Variants in PEBP4 observed in about 807,000 individuals in gnomAD.
PEBP4 encodes phosphatidylethanolamine binding protein 4.
Under a neutral mutation model 23.9 loss-of-function variants are expected in PEBP4, and 22 were observed. The ratio of observed to expected loss-of-function variants is 0.92; its 90% CI spans 0.66 to 1.31. The LOEUF is 1.31. Among genes scored for constraint, PEBP4 ranks in the 40% most tolerant of loss-of-function variants. The pLI is 0.00. For missense variants in PEBP4, 324 were observed against 281.7 expected (o/e 1.15, Z -1.07); for synonymous variants, 112 against 99.3 (o/e 1.13, Z -0.76).
At chr8:22,802,683 A>G (rs910585011) in intron 4 of PEBP4, among the ~76,000 whole-genome samples, 2 of 152,218 alleles carry the variant, frequency 1.3e-5, no homozygotes, top group Non-Finnish European at 2.9e-5. Flanking sequence ...CGCCAATCTC[A>G]TCGGTGTTCC....
chr8:22,927,566 A>G lies in PEBP4; in HGVS notation c.131+18T>C. 6.2e-7 allele frequency: 1 copy of G among 1,602,822 alleles called. No individual in the cohort carries two copies. Among genetic ancestry groups the G allele is most frequent in the Non-Finnish European group, 8.5e-7 (1 of 1,173,784 alleles). On this transcript the variant is annotated intron_variant, in intron 2 of 6. Transcript: ENST00000256404. ...GGTAGCCTCTGTGCCTCCCGCCTCCAAGCCTGCCCTGACTTACTGGCAAAA... is the reference window on the plus strand; with the variant it reads ...GGTAGCCTCTGTGCCTCCCGCCTCCGAGCCTGCCCTGACTTACTGGCAAAA...
intron 3 of PEBP4, among the ~76,000 whole-genome samples, chr8:22,860,982 A>G (rs763190643): frequency 1.5e-4 from 23 of 152,256 alleles, no homozygotes; most frequent in Non-Finnish European, 2.2e-4. Flanking sequence ...CAGTATCCCC[A>G]GTGCCCAGCA....
chr8:22,863,776 C>A (rs941494049), intron 3 of PEBP4, among the ~76,000 whole-genome samples: 1 of 152,118 alleles, frequency 6.6e-6, no homozygotes, highest in Non-Finnish European at 1.5e-5. Context: ...TCCATCTGAG[C>A]GATGATACCT....
At chr8:22,784,636 C>T (rs1233233658) in intron 4 of PEBP4, among the ~76,000 whole-genome samples, 2 of 152,206 alleles carry the variant, frequency 1.3e-5, no homozygotes, top group East Asian at 3.9e-4. Flanking sequence ...AACAAACCTG[C>T]ATTTAAATAA....
rs201433464 is a variant in PEBP4 at position 22,724,915 on chromosome 8, G to A, written c.445C>T (p.Arg149Cys). The A allele has an allele frequency of 1.3e-5, 21 of 1,614,144 alleles. No individual in the cohort carries two copies. The highest frequency in any genetic ancestry group is 4.5e-5 in the East Asian group (2 of 44,884). The change falls in exon 6 of 7, where the codon CGC (arginine) becomes TGC (cysteine). Residue 149 changes from arginine to cysteine, a missense_variant. Transcript: ENST00000256404. ...TGAAGATAGACAAAGAACTGGTAGC[G>A]ATGGAAGCCACTGTGTGCCGGTGGG... The part of the protein sequence containing the change: ...PSPPAHSGFH[R>C]YQFFVYLQEG...
chr8:22,730,267 C>G (rs984272485), intron 4 of PEBP4, among the ~76,000 whole-genome samples: 1 of 152,206 alleles, frequency 6.6e-6, no homozygotes, highest in African/African-American at 2.4e-5. Flanking sequence ...CCAAGTGCAA[C>G]AGCTCACACC....
chr8:22,851,271 C>T (rs1468890196), intron 3 of PEBP4, among the ~76,000 whole-genome samples: 3 of 152,140 alleles, frequency 2.0e-5, no homozygotes, highest in Admixed American at 6.5e-5. Flanking sequence ...AGCCCAAAGC[C>T]GGAACATCTG....
intron 4 of PEBP4, among the ~76,000 whole-genome samples, chr8:22,802,039 C>T (rs1806393548): frequency 1.3e-5 from 2 of 152,146 alleles, no homozygotes; most frequent in Non-Finnish European, 2.9e-5. Flanking sequence ...GGCATCTGTC[C>T]TTCCACCCTG....
At chr8:22,748,988 A>G (rs888173500) in intron 4 of PEBP4, among the ~76,000 whole-genome samples, 1 of 151,874 alleles carries the variant, frequency 6.6e-6, no homozygotes, top group African/African-American at 2.4e-5. Context: ...GGGTCTGTGG[A>G]GAATTTGGGG....
chr8:22,774,922 C>A (rs527920633), intron 4 of PEBP4, among the ~76,000 whole-genome samples: 116 of 152,298 alleles, frequency 7.6e-4, no homozygotes, highest in Non-Finnish European at 1.4e-3. Context: ...TCCTCCCGTG[C>A]CCTCCAGTCT....
intron 4 of PEBP4, among the ~76,000 whole-genome samples, chr8:22,761,414 GAGAGAGCGAGA>G (rs1341210996): frequency 1.3e-5 from 2 of 152,182 alleles, no homozygotes; most frequent in Admixed American, 6.5e-5. Flanking sequence ...GGGGAAGGCG[GAGAGAGCGAGA>G]AGACCCCCCT....
intron 3 of PEBP4, chr8:22,886,633 C>G (rs891052632): frequency 3.3e-5 from 5 of 152,294 alleles, no homozygotes; most frequent in African/African-American, 1.2e-4. Context: ...ACTGTAGCCC[C>G]CAAACATCCT....
intron 4 of PEBP4, among the ~76,000 whole-genome samples, chr8:22,759,520 T>C (rs1190649264): frequency 6.6e-6 from 1 of 151,976 alleles, no homozygotes; most frequent in Non-Finnish European, 1.5e-5. Context: ...GGGGTAGAGG[T>C]GCCCGCTCCG....
intron 4 of PEBP4, among the ~76,000 whole-genome samples, chr8:22,736,051 T>G (rs1166567182): frequency 6.6e-6 from 1 of 152,210 alleles, no homozygotes; most frequent in Non-Finnish European, 1.5e-5. Context: ...GAGCCCCTGG[T>G]GCCTCTGGGG....
At chr8:22,724,692 C>T in intron 6 of PEBP4, 151 bp downstream of exon 6, 1 of 634,656 alleles carries the variant, frequency 1.6e-6, no homozygotes. Flanking sequence ...GCACTCCTTC[C>T]AGTTCACTCC....
chr8:22,777,447 G>T (rs912567683), intron 4 of PEBP4, among the ~76,000 whole-genome samples: 6 of 152,170 alleles, frequency 3.9e-5, no homozygotes, highest in Non-Finnish European at 8.8e-5. Flanking sequence ...AAGAGGGGCT[G>T]TGGGGAGGGG....
At chr8:22,826,819 G>A (rs574124315) in intron 3 of PEBP4, among the ~76,000 whole-genome samples, 66 of 152,326 alleles carry the variant, frequency 4.3e-4, no homozygotes, top group African/African-American at 1.6e-3. Flanking sequence ...ACATCTATAT[G>A]TGTGTTCTAT....
chr8:22,759,635 T>C (rs1805464472), intron 4 of PEBP4, among the ~76,000 whole-genome samples: 1 of 152,152 alleles, frequency 6.6e-6, no homozygotes, highest in Admixed American at 6.5e-5. Flanking sequence ...CTGCCATGGG[T>C]TCAAGTTGCA....
chr8:22,806,607 T>C (rs1806498287), intron 4 of PEBP4, among the ~76,000 whole-genome samples: 1 of 134,580 alleles, frequency 7.4e-6, no homozygotes, highest in Non-Finnish European at 1.5e-5. Context: ...AGAGCAAGAC[T>C]GTGTCTCAAA....
Sources: allele counts gnomAD v4.1 joint callset (sites outside exome capture counted in the v4.1 genomes callset), GRCh38; gene constraint gnomAD v4.1.1; transcripts MANE v1.5; gene names NCBI Gene and HGNC (gene_info 2026-07-23, HGNC 2026-07-21).